The following PAX9 variants were observed in gnomAD, a reference collection of about 807,000 sequenced individuals.
The protein encoded by PAX9 is paired box protein Pax-9.
Under a neutral mutation model 29.1 loss-of-function variants are expected in PAX9, and 6 were observed. The ratio of observed to expected loss-of-function variants is 0.21; its 90% CI spans 0.11 to 0.41. PAX9 has a LOEUF of 0.41. PAX9 is among the 10% of genes least tolerant of loss of function. The pLI is 1.00. For synonymous variants in PAX9, 217 were observed against 211.7 expected (o/e 1.03, Z -0.22); for missense variants, 443 against 479.1 (o/e 0.92, Z 0.70).
At chr14:36,659,606 C>T (rs151212325), upstream of PAX9, among the ~76,000 whole-genome samples, 112 of 152,330 alleles carry the variant, frequency 7.4e-4, no homozygotes, top group East Asian at 0.018. Context: ...GTGGGGCCTG[C>T]GGGGAGCCGC....
In PAX9 at chr14:36,676,756, G is replaced by T. The variant is rs1271600447; in HGVS notation, c.*304G>T. Reference sequence around the variant, plus strand: ...ACAAAGAAACCTACACCCCTCAAAGGGTTTAAGGAACTTTACAAACTAGTC... The same window carrying T: ...ACAAAGAAACCTACACCCCTCAAAGTGTTTAAGGAACTTTACAAACTAGTC... On this transcript the variant is annotated 3_prime_UTR_variant, in exon 4 of 4. Transcript: ENST00000361487. 1 of 411,796 alleles carries T rather than the reference G, an allele frequency of 2.4e-6. No individual in the cohort carries two copies. The highest frequency in any genetic ancestry group is 3.7e-5 in the Admixed American group (1 of 27,134). 25.5% of individuals were successfully genotyped at this position (411,796 alleles called of 1,614,324 possible).
At chr14:36,658,559 A>T (rs1881128214), upstream of PAX9, 1 of 152,326 alleles carries the variant, frequency 6.6e-6, no homozygotes. Flanking sequence ...GACCCGGAGG[A>T]GCAGGCTTCC....
At chr14:36,664,135 A>G (rs1008241842) in intron 2 of PAX9, among the ~76,000 whole-genome samples, 6 of 152,234 alleles carry the variant, frequency 3.9e-5, no homozygotes, top group African/African-American at 1.4e-4. Context: ...AGTTACTACT[A>G]GTAACTTGCA....
upstream of PAX9, chr14:36,658,655 C>G (rs934401565): frequency 3.3e-5 from 5 of 151,566 alleles, no homozygotes; most frequent in African/African-American, 1.2e-4. Context: ...CGGCAGCCCT[C>G]GGGTACAGTC....
Position 36,676,473 on chromosome 14 carries a change from A to T in PAX9, c.*21A>T, listed in dbSNP as rs1881896750. ...TCTGATGGGAAATTCCGTCTCCAGCAGCTTCACCCGGGTCTCCCTGTCTCA... is the reference window on the plus strand; with the variant it reads ...TCTGATGGGAAATTCCGTCTCCAGCTGCTTCACCCGGGTCTCCCTGTCTCA... On this transcript the variant is annotated 3_prime_UTR_variant, in exon 4 of 4. Coordinates refer to ENST00000361487, the MANE Select transcript of PAX9 (RefSeq NM_001372076.1). The T allele has an allele frequency of 6.2e-7, 1 of 1,609,538 alleles. No homozygotes were observed. The highest frequency in any genetic ancestry group is 1.3e-5 in the African/African-American group (1 of 74,928).
chr14:36,676,485 G>A lies in PAX9; in HGVS notation c.*33G>A. ...TTCCGTCTCCAGCAGCTTCACCCGG[G>A]TCTCCCTGTCTCAGCACCTCCTCCC... On this transcript the variant is annotated 3_prime_UTR_variant, in exon 4 of 4. Transcript: ENST00000361487. 1 of 1,606,132 alleles carries A rather than the reference G, an allele frequency of 6.2e-7. No homozygotes were observed. Among genetic ancestry groups the A allele is most frequent in the East Asian group, 2.2e-5 (1 of 44,856 alleles).
At chr14:36,658,882 G>T (rs1019557187), upstream of PAX9, 3 of 152,330 alleles carry the variant, frequency 2.0e-5, no homozygotes, top group Non-Finnish European at 4.4e-5. Context: ...GGGCCGAGTC[G>T]CCCCCAGAGT....
chr14:36,668,669 G>A (rs1209866881), intron 3 of PAX9, among the ~76,000 whole-genome samples: 1 of 152,158 alleles, frequency 6.6e-6, no homozygotes, highest in East Asian at 1.9e-4. Context: ...TTACAGGCGT[G>A]AGCCACCGTG....
Position 36,663,392 on chromosome 14 carries a change from C to A in PAX9, c.500C>A (p.Thr167Lys), listed in dbSNP as rs769021972. The change falls in exon 2 of 4, where the codon ACG (threonine) becomes AAG (lysine). Residue 167 changes from threonine to lysine, a missense_variant. Physicochemically the swap from Thr to Lys is moderately conservative, Grantham distance 78. Coordinates refer to ENST00000361487, the MANE Select transcript of PAX9 (RefSeq NM_001372076.1). ...ATCTACTCGTACCCCAGCCCTATCA[C>A]GGCGGCGGCCGCCAAGGTGCCCACG... ...NHIYSYPSPI[T>K]AAAAKVPTPP... 1 of 1,613,372 alleles carries A rather than the reference C, an allele frequency of 6.2e-7. No homozygotes were observed. Among genetic ancestry groups the A allele is most frequent in the Non-Finnish European group, 8.5e-7 (1 of 1,179,866 alleles).
At chr14:36,672,851 C>CGTTTTTTTTTTTTTTTTT (rs1881739418) in intron 3 of PAX9, among the ~76,000 whole-genome samples, 1 of 23,078 alleles carries the variant, frequency 4.3e-5, no homozygotes, top group Non-Finnish European at 1.0e-4. Flanking sequence ...TTTCTTTCTT[C>CGTTTTTTTTTTTTTTTTT]CTTTTTTTTT....
intron 1 of PAX9, chr14:36,662,689 C>A (rs1429357064): frequency 8.0e-6 from 5 of 624,810 alleles, no homozygotes; most frequent in Admixed American, 3.0e-5. Flanking sequence ...TCCGGCACGG[C>A]AGGAATGAGG....
rs146020807 is a variant in PAX9, at chr14:36,667,797, C to T, written c.771+1196C>T. On this transcript the variant is annotated intron_variant, in intron 3 of 3. Coordinates refer to ENST00000361487, the MANE Select transcript of PAX9 (RefSeq NM_001372076.1). ...AGCCCTTTTCCTTAGTCTGTTTCTA[C>T]TGTGAAGAATGTCAATGAGAAATGA... Among the ~76,000 whole-genome samples the T allele has an allele frequency of 2.0e-3, 303 of 152,294 alleles. 3 individuals carry two copies. The highest frequency in any genetic ancestry group is 0.014 in the Middle Eastern group (4 of 294).
chr14:36,659,674 A>T (rs951909026), upstream of PAX9, among the ~76,000 whole-genome samples: 7 of 152,120 alleles, frequency 4.6e-5, no homozygotes, highest in African/African-American at 1.7e-4. Flanking sequence ...CGCCCAGGGG[A>T]TCCGCAGCAG....
At position 36,678,924 on chromosome 14, in the gene PAX9, T is replaced by C. The variant is rs550608888; in HGVS notation, c.*2472T>C. The C allele has an allele frequency of 7.1e-6, 7 of 979,322 alleles. No individual in the cohort carries two copies. Among genetic ancestry groups the C allele is most frequent in the South Asian group, 4.7e-5 (1 of 21,166 alleles). The allele number at this position is 979,322 out of a possible 1,614,324, so 60.7% of individuals were successfully genotyped here. ...ACTTTTTAAAATACGAGAAGGAAAA[T>C]AGGATGGATTAAAGGGTTAACTTTT... is the stretch of plus-strand genomic sequence containing the variant. On this transcript the variant is annotated 3_prime_UTR_variant, in exon 4 of 4. Transcript: ENST00000361487.
At position 36,668,069 on chromosome 14, in the gene PAX9, G is replaced by A. The variant is rs114316776; in HGVS notation, c.771+1468G>A. Among the ~76,000 whole-genome samples, 1,220 of 152,302 alleles carry A rather than the reference G, an allele frequency of 8.0e-3. 15 individuals are homozygous for A. Among genetic ancestry groups the A allele is most frequent in the African/African-American group, 0.028 (1,173 of 41,578 alleles). On this transcript the variant is annotated intron_variant, in intron 3 of 3. Coordinates refer to ENST00000361487, the MANE Select transcript of PAX9 (RefSeq NM_001372076.1). ...ATGGCACATAGTAAGCATTTATTAA[G>A]TATTGTCTGTGGTTCTAAGTGGCAG...
intron 3 of PAX9, among the ~76,000 whole-genome samples, chr14:36,668,949 A>T (rs1594471267): frequency 6.6e-6 from 1 of 152,172 alleles, no homozygotes; most frequent in East Asian, 1.9e-4. Context: ...AATACTTAAT[A>T]AGCTATTTTT....
upstream of PAX9, among the ~76,000 whole-genome samples, chr14:36,661,184 G>A (rs1881248189): frequency 2.0e-5 from 3 of 152,372 alleles, no homozygotes; most frequent in South Asian, 2.1e-4. Context: ...ACACGGCGTG[G>A]CCCGTGCCTC....
Position 36,676,881 on chromosome 14 carries a change from T to G in PAX9, c.*429T>G, listed in dbSNP as rs17766200. 2.3e-5 allele frequency: 5 copies of G among 217,620 alleles called. No individual in the cohort carries two copies. The highest frequency in any genetic ancestry group is 4.7e-5 in the Non-Finnish European group (5 of 106,944). 13.5% of individuals were successfully genotyped at this position (217,620 alleles called of 1,614,324 possible). On this transcript the variant is annotated 3_prime_UTR_variant, in exon 4 of 4. Transcript: ENST00000361487. Reference sequence around the variant, plus strand: ...CAAAATCAATAAAGGAAAATACTTATAGAAAAAATTATGCTACACCCTCTA... The same window carrying G: ...CAAAATCAATAAAGGAAAATACTTAGAGAAAAAATTATGCTACACCCTCTA...
upstream of PAX9, among the ~76,000 whole-genome samples, chr14:36,658,157 G>A (rs1229110651): frequency 6.6e-6 from 1 of 152,144 alleles, no homozygotes; most frequent in Non-Finnish European, 1.5e-5. Context: ...GCAGAGGGCC[G>A]AGTTCTGGAG....
Sources: allele counts gnomAD v4.1 joint callset (sites outside exome capture counted in the v4.1 genomes callset), GRCh38; gene constraint gnomAD v4.1.1; transcripts MANE v1.5; gene names NCBI Gene and HGNC (gene_info 2026-07-23, HGNC 2026-07-21).